The following CLSTN1 variants were observed in gnomAD, a reference collection of about 807,000 sequenced individuals.
CLSTN1 encodes calsyntenin-1.
In CLSTN1, 28 loss-of-function variants were observed where a neutral mutation model predicts 108.3. The ratio of observed to expected loss-of-function variants is 0.26; its 90% CI spans 0.19 to 0.35. The LOEUF (loss-of-function observed/expected upper bound fraction) is 0.35. CLSTN1 is among the 10% of genes least tolerant of loss of function. The pLI, the probability that CLSTN1 is intolerant of heterozygous loss-of-function variation, is 1.00. For missense variants in CLSTN1, 1,157 were observed against 1,302.6 expected, an observed-to-expected ratio of 0.89 and a Z score of 1.72; for synonymous variants, 524 against 534.9, an observed-to-expected ratio of 0.98 and a Z score of 0.28.
At chr1:9,799,878 T>C (rs1033446058) in intron 1 of CLSTN1, among the ~76,000 whole-genome samples, 2 of 145,922 alleles carry the variant, frequency 1.4e-5, no homozygotes, top group African/African-American at 5.1e-5. Flanking sequence ...GAGGCGGAGG[T>C]TGCAGTGAGC....
At position 9,738,707 on chromosome 1, in the gene CLSTN1, T is replaced by C. The variant is rs564475089; in HGVS notation, c.1520-1153A>G. On this transcript the variant is annotated intron_variant, in intron 10 of 18. Coordinates refer to ENST00000377298, the MANE Select transcript of CLSTN1 (RefSeq NM_001009566.3). ...TCTCACTCTGTTGCCCAGGCTGGAG[T>C]GCAGTGGTGTGATCTTGGCTCACTG... is the stretch of plus-strand genomic sequence containing the variant. Among the ~76,000 whole-genome samples, 8 of 152,334 alleles carry C rather than the reference T, an allele frequency of 5.3e-5. No individual in the cohort carries two copies. In the South Asian group the frequency reaches 1.7e-3, roughly 32 times the overall value.
chr1:9,744,711 G>A (rs569059053), intron 7 of CLSTN1, 68 bp from the exon 8 acceptor site: 3 of 1,504,672 alleles, frequency 2.0e-6, no homozygotes, highest in East Asian at 2.4e-5. Context: ...AAGCCCCCAG[G>A]CACGTGCTTG....
intron 2 of CLSTN1, among the ~76,000 whole-genome samples, chr1:9,765,258 C>T (rs1652268765): frequency 1.3e-5 from 2 of 151,994 alleles, no homozygotes; most frequent in Admixed American, 1.3e-4. Context: ...GTGGCGGGCG[C>T]CTGCAATCCC....
At chr1:9,787,638 G>A (rs1291049690) in intron 1 of CLSTN1, among the ~76,000 whole-genome samples, 3 of 151,148 alleles carry the variant, frequency 2.0e-5, no homozygotes, top group South Asian at 2.2e-4. Flanking sequence ...TCCTGACCTC[G>A]TGATCCACCT....
At chr1:9,757,988 TTTTG>T (rs1177346677) in intron 2 of CLSTN1, among the ~76,000 whole-genome samples, 1 of 151,912 alleles carries the variant, frequency 6.6e-6, no homozygotes, top group African/African-American at 2.4e-5. Context: ...GCATGCAGTT[TTTTG>T]TTTGTTTGTT....
At chr1:9,761,239 TC>T (rs746312233) in intron 2 of CLSTN1, among the ~76,000 whole-genome samples, 54 of 152,146 alleles carry the variant, frequency 3.5e-4, no homozygotes, top group Admixed American at 1.6e-3. Flanking sequence ...ACACCTGTAA[TC>T]CCAGCACTTT....
intron 7 of CLSTN1, among the ~76,000 whole-genome samples, chr1:9,749,196 A>T (rs528922664): frequency 1.3e-5 from 2 of 152,274 alleles, no homozygotes; most frequent in South Asian, 4.1e-4. Context: ...AAGCCACCAC[A>T]TCTGGCCACC....
intron 9 of CLSTN1, 98 bp downstream of exon 9, chr1:9,743,786 G>A (rs141608189): frequency 0.026 from 36,274 of 1,412,620 alleles, 570 homozygotes; most frequent in Non-Finnish European, 0.03. Context: ...TCGAACCCCT[G>A]GGCTCAAGCA....
rs191255626 is a variant in CLSTN1, at chr1:9,780,569, T to G, written c.92-7175A>C. Among the ~76,000 whole-genome samples the G allele has an allele frequency of 1.8e-3, 276 of 152,350 alleles. 1 individual carries two copies. Among genetic ancestry groups the G allele is most frequent in the African/African-American group, 6.2e-3 (258 of 41,590 alleles). The stretch of plus-strand genomic sequence containing the variant: ...AATCGCTCTTAAGCTGGCAGTAGAA[T>G]GAGATCTGGCCAGTTCCAAACACTG... On this transcript the variant is annotated intron_variant, in intron 1 of 18. Transcript: ENST00000377298.
chr1:9,735,685 C>T (rs1650649083), intron 12 of CLSTN1, 70 bp from the exon 13 acceptor site: 2 of 1,594,330 alleles, frequency 1.3e-6, no homozygotes, highest in Admixed American at 1.7e-5. Context: ...CCACAGATGC[C>T]TCCACAAAGG....
intron 2 of CLSTN1, among the ~76,000 whole-genome samples, chr1:9,769,685 C>T (rs1652570226): frequency 6.6e-6 from 1 of 152,160 alleles, no homozygotes; most frequent in South Asian, 2.1e-4. Flanking sequence ...TGGAGTTAGA[C>T]AGTGGTTGGC....
rs532117826 is a variant in CLSTN1 at position 9,730,756 on chromosome 1, G to A, written c.2749-51C>T. On this transcript the variant is annotated intron_variant, in intron 18 of 18. Coordinates refer to ENST00000377298, the MANE Select transcript of CLSTN1 (RefSeq NM_001009566.3). This position sits in a 1 kb window ranked among gnomAD's most constrained non-coding sequence, Gnocchi z 5.6. ...TGAGTCCGGCCCTGCCCACAGCCCC[G>A]TCACCTGGCATTCTCCTCTCGACAG... 36 of 1,503,202 alleles carry A rather than the reference G, an allele frequency of 2.4e-5. No homozygotes were observed. Among genetic ancestry groups the A allele is most frequent in the Non-Finnish European group, 2.8e-5 (31 of 1,110,596 alleles). 93.1% of individuals were successfully genotyped at this position (1,503,202 alleles called of 1,614,324 possible).
Position 9,755,275 on chromosome 1 carries a change from A to T in CLSTN1, c.279T>A (p.Asn93Lys). Reference protein sequence around the residue: ...EICGFKIHGQNVPFDAVVVDK... With the variant: ...EICGFKIHGQKVPFDAVVVDK... The stretch of plus-strand genomic sequence containing the variant: ...CCACTACCACTGCATCAAAGGGGAC[A>T]TTCTGCCCGTGAATTTTAAATCCAC... The change falls in exon 4 of 19, where the codon AAT becomes AAA. Residue 93 changes from asparagine (N) to lysine (K), a missense_variant. Coordinates refer to ENST00000377298, the MANE Select transcript of CLSTN1 (RefSeq NM_001009566.3). 2 of 1,613,502 alleles carry T rather than the reference A, an allele frequency of 1.2e-6. No homozygotes were observed. Among genetic ancestry groups the T allele is most frequent in the Non-Finnish European group, 1.7e-6 (2 of 1,179,528 alleles).
chr1:9,806,578 ATC>A (rs1654514857), intron 1 of CLSTN1, among the ~76,000 whole-genome samples: 1 of 152,130 alleles, frequency 6.6e-6, no homozygotes, highest in African/African-American at 2.4e-5. Context: ...AAAGAAAAAA[ATC>A]TATAAAAATA....
chr1:9,757,840 C>G (rs1269751538), intron 2 of CLSTN1, among the ~76,000 whole-genome samples: 1 of 152,188 alleles, frequency 6.6e-6, no homozygotes, highest in African/African-American at 2.4e-5. Context: ...ACTGGGCCCT[C>G]ACTGGTGGCA....
chr1:9,814,327 G>C (rs142421348), intron 1 of CLSTN1, among the ~76,000 whole-genome samples: 1 of 151,460 alleles, frequency 6.6e-6, no homozygotes, highest in African/African-American at 2.4e-5. Context: ...TGGGCAGATC[G>C]CTTGAACCTT....
chr1:9,815,044 A>G (rs1654916934), intron 1 of CLSTN1, among the ~76,000 whole-genome samples: 1 of 152,212 alleles, frequency 6.6e-6, no homozygotes, highest in Admixed American at 6.5e-5. Context: ...GCTGTCCCCC[A>G]AACACTGCAT....
chr1:9,782,759 C>T (rs1285010843), intron 1 of CLSTN1, among the ~76,000 whole-genome samples: 3 of 152,180 alleles, frequency 2.0e-5, no homozygotes, highest in Non-Finnish European at 2.9e-5. Flanking sequence ...GTAATCCTAG[C>T]ACTTTGGGAG....
intron 1 of CLSTN1, among the ~76,000 whole-genome samples, chr1:9,789,202 G>C (rs1235800092): frequency 6.6e-6 from 1 of 151,382 alleles, no homozygotes; most frequent in African/African-American, 2.4e-5. Context: ...CGGACTGCTG[G>C]ATCATACGGT....
Sources: gnomAD v4.1 joint callset for allele counts (sites outside exome capture counted in the v4.1 genomes callset) on GRCh38, gnomAD v4.1.1 for gene constraint, Gnocchi (gnomAD v3.1) non-coding constraint, MANE v1.5 for transcripts, NCBI Gene and HGNC (gene_info 2026-07-23, HGNC 2026-07-21) for gene names.